The following ABHD18 variants were observed in gnomAD, a reference collection of about 807,000 sequenced individuals.
The protein encoded by ABHD18 is cardiolipin-specific deacylase, mitochondrial.
In ABHD18, 55 loss-of-function variants were observed where a neutral mutation model predicts 65.9. The ratio of observed to expected loss-of-function variants is 0.84; its 90% CI spans 0.67 to 1.05. The LOEUF is 1.05. ABHD18 is among the 50% of genes least tolerant of loss of function. ABHD18 has a pLI of 0.00. For synonymous variants in ABHD18, 181 were observed against 180.2 expected (o/e 1.00, Z -0.04); for missense variants, 533 against 558.5 (o/e 0.95, Z 0.46).
intron 1 of ABHD18, among the ~76,000 whole-genome samples, chr4:127,975,467 A>T (rs1238812425): frequency 6.6e-6 from 1 of 152,188 alleles, no homozygotes; most frequent in East Asian, 1.9e-4. Context: ...TCCATGTTGT[A>T]TCATGTGCCA....
chr4:128,020,046 T>G, intron 8 of ABHD18, 34 bp from the exon 9 acceptor site: 2 of 1,412,230 alleles, frequency 1.4e-6, no homozygotes, highest in African/African-American at 1.4e-5. Context: ...GAATAGAAAC[T>G]CTAAATAGAC....
intron 6 of ABHD18, 129 bp from the exon 7 acceptor site, chr4:128,011,544 C>T (rs1754580894): frequency 1.4e-5 from 7 of 502,630 alleles, no homozygotes; most frequent in African/African-American, 2.0e-5. Context: ...TTCTAAACAG[C>T]CTACTTAAGA....
chr4:128,009,714 ATG>A (rs888419879), intron 6 of ABHD18: 3 of 153,116 alleles, frequency 2.0e-5, no homozygotes, highest in African/African-American at 7.2e-5. Context: ...CTTGTTACTA[ATG>A]ACTGAAAATT....
chr4:127,969,925 T>G (rs1353002971), intron 1 of ABHD18, among the ~76,000 whole-genome samples: 1 of 152,056 alleles, frequency 6.6e-6, no homozygotes, highest in Admixed American at 6.5e-5. Flanking sequence ...TTTCAAAATT[T>G]TTTTGTAGAG....
At chr4:128,014,608 A>G (rs1215816376) in intron 7 of ABHD18, among the ~76,000 whole-genome samples, 1 of 152,130 alleles carries the variant, frequency 6.6e-6, no homozygotes, top group African/African-American at 2.4e-5. Context: ...TATGTATTTG[A>G]TTTTTCTCTA....
Position 128,028,460 on chromosome 4 carries a change from C to T in ABHD18, c.802-15C>T. The T allele has an allele frequency of 2.7e-5, 39 of 1,439,154 alleles. No homozygotes were observed. The highest frequency in any genetic ancestry group is 1.5e-4 in the East Asian group (6 of 39,390). The allele number at this position is 1,439,154 out of a possible 1,614,324, so 89.1% of individuals were successfully genotyped here. A position where few individuals can be genotyped will look rare whatever the true frequency, so the allele number is the denominator to read the frequency against. On this transcript the variant is annotated splice_polypyrimidine_tract_variant and intron_variant, in intron 10 of 12. Transcript: ENST00000645843. The stretch of plus-strand genomic sequence containing the variant: ...TTTATATTAAATAATGTTTTCTTTC[C>T]TTTCATATGTTCAGACAGATTCTTT...
intron 1 of ABHD18, among the ~76,000 whole-genome samples, chr4:127,972,938 C>T (rs1312340389): frequency 1.3e-5 from 2 of 152,066 alleles, no homozygotes; most frequent in Non-Finnish European, 2.9e-5. Context: ...TTGTTTCTGA[C>T]AAAGGTGTTA....
intron 9 of ABHD18, 125 bp downstream of exon 9, chr4:128,020,294 T>C (rs1355325685): frequency 1.5e-6 from 1 of 675,190 alleles, no homozygotes; most frequent in African/African-American, 1.8e-5. Context: ...CAGGATATAG[T>C]CGTAATCATG....
At chr4:128,003,711 CA>C (rs2149118334) in intron 4 of ABHD18, among the ~76,000 whole-genome samples, 1 of 151,902 alleles carries the variant, frequency 6.6e-6, no homozygotes, top group Non-Finnish European at 1.5e-5. Flanking sequence ...AATTTTTAAA[CA>C]ATTTTATTGA....
chr4:127,981,227 A>C (rs1013273255), intron 1 of ABHD18, among the ~76,000 whole-genome samples: 2 of 152,162 alleles, frequency 1.3e-5, no homozygotes, highest in African/African-American at 4.8e-5. Flanking sequence ...TATTCCACGT[A>C]TGATATTTTT....
intron 3 of ABHD18, among the ~76,000 whole-genome samples, chr4:127,986,527 T>C (rs545174646): frequency 5.6e-4 from 86 of 152,260 alleles, no homozygotes; most frequent in Admixed American, 2.1e-3. Flanking sequence ...CTATGAATAC[T>C]CAAGTATGAG....
At position 127,998,277 on chromosome 4, in the gene ABHD18, G is replaced by A. The variant is rs901858767; in HGVS notation, c.278+8456G>A. ...TTATCCTTTGTAAATTTTTCAAGAC[G>A]TTTCTTTTTTTTTTTTTTTTTTTGA... On this transcript the variant is annotated intron_variant, in intron 4 of 12. Transcript: ENST00000645843. Among the ~76,000 whole-genome samples, 249 of 123,914 alleles carry A rather than the reference G, an allele frequency of 2.0e-3. 2 individuals are homozygous for A. The highest frequency in any genetic ancestry group is 6.8e-3 in the African/African-American group (243 of 35,862). The allele number at this position is 123,914 out of a possible 152,430, so 81.3% of individuals were successfully genotyped here.
At chr4:128,002,592 CAAAAAAAAGAAAAAGAA>C (rs926828264) in intron 4 of ABHD18, among the ~76,000 whole-genome samples, 2 of 144,692 alleles carry the variant, frequency 1.4e-5, no homozygotes, top group Admixed American at 1.4e-4. Context: ...GACTCTGTCT[CAAAAAAAAGAAAAAGAA>C]AAAAAAAAGA....
chr4:127,994,053 C>G (rs894194553), intron 4 of ABHD18, among the ~76,000 whole-genome samples: 1 of 152,172 alleles, frequency 6.6e-6, no homozygotes, highest in Non-Finnish European at 1.5e-5. Flanking sequence ...CTTTTTCACA[C>G]TTTCTGTTTT....
In ABHD18 at chr4:128,017,393, T is replaced by G; in HGVS notation, c.501T>G (p.Leu167=). The G allele has an allele frequency of 6.2e-7, 1 of 1,613,846 alleles. No individual in the cohort carries two copies. Among genetic ancestry groups the G allele is most frequent in the Non-Finnish European group, 8.5e-7 (1 of 1,179,820 alleles). ...CCAGCTTAAAAAATGTGTCCGACCT[T>G]TTTGTGATGGGAGGAGCTCTTGTTT... ...VRSSLKNVSD[L]FVMGGALVLE... is the part of the protein sequence containing the mutation. Residue 167 remains leucine, a synonymous_variant, in exon 8 of 13, where the codon CTT becomes CTG. Coordinates refer to ENST00000645843, the MANE Select transcript of ABHD18 (RefSeq NM_001358451.3).
At chr4:128,013,182 G>T (rs547411223) in intron 7 of ABHD18, among the ~76,000 whole-genome samples, 27 of 152,034 alleles carry the variant, frequency 1.8e-4, no homozygotes, top group Non-Finnish European at 2.9e-4. Flanking sequence ...CAGATGAGTG[G>T]CCTGATTTAT....
chr4:128,029,791 C>T (rs1757948702), intron 11 of ABHD18, among the ~76,000 whole-genome samples: 1 of 152,108 alleles, frequency 6.6e-6, no homozygotes, highest in African/African-American at 2.4e-5. Context: ...TGCCACTGCA[C>T]TCAGCCTGAG....
At position 127,984,000 on chromosome 4, in the gene ABHD18, C is replaced by G. The variant is rs550106860; in HGVS notation, c.93-339C>G. 9.2e-5 allele frequency among the ~76,000 whole-genome samples: 14 copies of G among 151,906 alleles called. No individual in the cohort carries two copies. The South Asian group carries it at 2.7e-3, about 29-fold the overall frequency. On this transcript the variant is annotated intron_variant, in intron 2 of 12. Transcript: ENST00000645843. ...GTTGCAGTGAGCTGAGATTGCGCCA[C>G]TGCACTCGCCTGGGTGACAGAGCGA... is the stretch of plus-strand genomic sequence containing the variant.
Position 128,028,929 on chromosome 4 carries a change from T to G in ABHD18, c.1180+76T>G, listed in dbSNP as rs1757785480. ...GTGAAATATTTTAAAAGATGCTCTA[T>G]AAGATAATTTTATATTTTCAAGGGT... On this transcript the variant is annotated intron_variant, in intron 11 of 12. Coordinates refer to ENST00000645843, the MANE Select transcript of ABHD18 (RefSeq NM_001358451.3). 6 of 1,166,346 alleles carry G rather than the reference T, an allele frequency of 5.1e-6. No individual in the cohort carries two copies. The East Asian group carries it at 1.6e-4, about 32-fold the overall frequency. 72.2% of individuals were successfully genotyped at this position (1,166,346 alleles called of 1,614,324 possible).
Sources: allele counts gnomAD v4.1 joint callset (sites outside exome capture counted in the v4.1 genomes callset), GRCh38; gene constraint gnomAD v4.1.1; transcripts MANE v1.5; gene names NCBI Gene and HGNC (gene_info 2026-07-23, HGNC 2026-07-21).